Variants in SRBD1 observed in about 807,000 individuals in gnomAD.
SRBD1 encodes S1 RNA-binding domain-containing protein 1.
A neutral mutation model predicts 115.3 loss-of-function variants in SRBD1; 88 were observed. The ratio of observed to expected loss-of-function variants is 0.76; its 90% CI spans 0.64 to 0.91. The LOEUF (loss-of-function observed/expected upper bound fraction) is 0.91, where lower values mean the gene tolerates loss of function less well. Ranked by LOEUF, SRBD1 falls within the 40% of genes least tolerant of loss-of-function variation. The pLI is 0.00. For synonymous variants in SRBD1, 509 were observed against 407.7 expected (o/e 1.25, Z -2.99); for missense variants, 1,385 against 1,177.4 (o/e 1.18, Z -2.58).
rs755104331 is a variant in SRBD1 at position 45,599,860 on chromosome 2, T to A, written c.262-25A>T. The A allele has an allele frequency of 2.0e-5, 32 of 1,579,854 alleles. No individual in the cohort carries two copies. The South Asian group carries it at 3.4e-4, about 17-fold the overall frequency. On this transcript the variant is annotated intron_variant, in intron 3 of 20. Transcript: ENST00000263736. The stretch of plus-strand genomic sequence containing the variant: ...TCTATCAAACCACAAAGAGAACATA[T>A]GAGAATTAGAAGATAAAAAGCAATT...
chr2:45,566,841 A>G (rs1442573380), intron 9 of SRBD1, among the ~76,000 whole-genome samples: 1 of 152,106 alleles, frequency 6.6e-6, no homozygotes, highest in Non-Finnish European at 1.5e-5. Context: ...TGTATATTAT[A>G]TATTAAAAAT....
At chr2:45,553,481 G>A in intron 11 of SRBD1, 142 bp downstream of exon 11, 1 of 416,330 alleles carries the variant, frequency 2.4e-6, no homozygotes, top group Non-Finnish European at 4.3e-6. Flanking sequence ...TTGAAATCAA[G>A]CCTTAACTTT....
intron 16 of SRBD1, among the ~76,000 whole-genome samples, chr2:45,431,722 C>T (rs1482349834): frequency 6.6e-6 from 1 of 152,002 alleles, no homozygotes; most frequent in Non-Finnish European, 1.5e-5. Flanking sequence ...CACGTGTATA[C>T]CTATGTATCA....
At chr2:45,609,370 C>T (rs568671067) in intron 1 of SRBD1, among the ~76,000 whole-genome samples, 5 of 152,282 alleles carry the variant, frequency 3.3e-5, no homozygotes, top group Admixed American at 1.3e-4. Flanking sequence ...CTTCAGTGAG[C>T]CTTTAGTCCT....
chr2:45,571,474 C>T (rs1673008042), intron 9 of SRBD1, among the ~76,000 whole-genome samples: 1 of 121,054 alleles, frequency 8.3e-6, no homozygotes. Flanking sequence ...AATCTGATTT[C>T]CAGAGTTACC....
intron 7 of SRBD1, among the ~76,000 whole-genome samples, chr2:45,579,629 A>C (rs1180513661): frequency 6.6e-6 from 1 of 152,080 alleles, no homozygotes; most frequent in African/African-American, 2.4e-5. Flanking sequence ...ATTATTTTAA[A>C]ATAATAATTT....
chr2:45,550,481 A>C (rs7581385), intron 12 of SRBD1, among the ~76,000 whole-genome samples: 33,979 of 136,004 alleles, frequency 0.25, 4,004 homozygotes, highest in South Asian at 0.34. Flanking sequence ...TCTCAACAAA[A>C]ATTACAGTAG....
intron 16 of SRBD1, among the ~76,000 whole-genome samples, chr2:45,472,231 T>C (rs757874791): frequency 1.8e-4 from 27 of 152,160 alleles, no homozygotes; most frequent in South Asian, 2.1e-4. Flanking sequence ...AAGAGGTCAA[T>C]CATAAAAACC....
chr2:45,535,690 T>A (rs1400445402), intron 14 of SRBD1, among the ~76,000 whole-genome samples: 1 of 152,046 alleles, frequency 6.6e-6, no homozygotes, highest in African/African-American at 2.4e-5. Flanking sequence ...ATGTTTTAGT[T>A]TTCTTTTATT....
Position 45,512,237 on chromosome 2 carries a change from T to C in SRBD1, c.1875-23906A>G, listed in dbSNP as rs571591473. ...AAGAAAAGGAAAGAAAATCTTCATG[T>C]AATTGACTATCATTTCTCCAAGTGT... On this transcript the variant is annotated intron_variant, in intron 14 of 20. Transcript: ENST00000263736. 7.2e-5 allele frequency among the ~76,000 whole-genome samples: 11 copies of C among 152,310 alleles called. 1 individual carries two copies. In the South Asian group the frequency reaches 2.3e-3, roughly 32 times the overall value.
intron 14 of SRBD1, among the ~76,000 whole-genome samples, chr2:45,543,311 A>G (rs1312686834): frequency 6.6e-6 from 1 of 152,164 alleles, no homozygotes; most frequent in Non-Finnish European, 1.5e-5. Flanking sequence ...AAGGTATTTT[A>G]AGGGTAGGGA....
At chr2:45,536,298 T>C (rs1008170414) in intron 14 of SRBD1, among the ~76,000 whole-genome samples, 4 of 151,928 alleles carry the variant, frequency 2.6e-5, no homozygotes, top group Non-Finnish European at 5.9e-5. Flanking sequence ...ACATAATTCA[T>C]ACAAGAAAGG....
chr2:45,442,321 T>C (rs754183432), intron 16 of SRBD1, among the ~76,000 whole-genome samples: 6 of 152,312 alleles, frequency 3.9e-5, no homozygotes, highest in Admixed American at 6.5e-5. Flanking sequence ...CATACCTTGA[T>C]GCAATTAATA....
intron 6 of SRBD1, among the ~76,000 whole-genome samples, chr2:45,581,349 C>G (rs1350842659): frequency 6.6e-6 from 1 of 152,292 alleles, no homozygotes; most frequent in African/African-American, 2.4e-5. Flanking sequence ...CTTCCATTCT[C>G]ATGGTTTCAC....
At chr2:45,594,922 G>A (rs965915375) in intron 4 of SRBD1, among the ~76,000 whole-genome samples, 2 of 152,188 alleles carry the variant, frequency 1.3e-5, no homozygotes, top group Non-Finnish European at 2.9e-5. Flanking sequence ...AAAGACTGAA[G>A]TAACTTCATT....
chr2:45,454,514 A>G (rs1045009495), intron 16 of SRBD1, among the ~76,000 whole-genome samples: 3 of 151,878 alleles, frequency 2.0e-5, no homozygotes, highest in African/African-American at 7.2e-5. Context: ...ACTCCATTGA[A>G]TAGTAACATG....
At chr2:45,414,695 CATAGTGTGTATATAGTATGTATAT>C (rs1558563229) in intron 18 of SRBD1, among the ~76,000 whole-genome samples, 7 of 133,866 alleles carry the variant, frequency 5.2e-5, no homozygotes, top group African/African-American at 1.7e-4. Context: ...TACACACACA[CATAGTGTGTATATAGTATGTATAT>C]ACACACACAC....
At chr2:45,445,532 G>A (rs1342001521) in intron 16 of SRBD1, among the ~76,000 whole-genome samples, 2 of 80,590 alleles carry the variant, frequency 2.5e-5, no homozygotes, top group East Asian at 8.7e-4. Context: ...ATGCACAGAA[G>A]CAATATCTTC....
intron 19 of SRBD1, 47 bp downstream of exon 19, chr2:45,413,067 G>C (rs1357320355): frequency 3.8e-6 from 6 of 1,561,756 alleles, no homozygotes; most frequent in Non-Finnish European, 4.3e-6. Flanking sequence ...TTGCTGTAAA[G>C]AACTCACTCT....
Sources: gnomAD v4.1 joint callset for allele counts (sites outside exome capture counted in the v4.1 genomes callset) on GRCh38, gnomAD v4.1.1 for gene constraint, MANE v1.5 for transcripts, NCBI Gene and HGNC (gene_info 2026-07-23, HGNC 2026-07-21) for gene names.